The following RASA1 variants were observed in gnomAD, a reference collection of about 807,000 sequenced individuals.
RASA1 encodes ras GTPase-activating protein 1.
In RASA1, 25 loss-of-function variants were observed where a neutral mutation model predicts 132.2. The ratio of observed to expected loss-of-function variants is 0.19; its 90% CI spans 0.14 to 0.26. The LOEUF (loss-of-function observed/expected upper bound fraction) is 0.26. RASA1 is among the 10% of genes least tolerant of loss of function. RASA1 has a pLI of 1.00. For synonymous variants in RASA1, 477 were observed against 449.9 expected (o/e 1.06, Z -0.76); for missense variants, 964 against 1,299.2 (o/e 0.74, Z 3.97).
chr5:87,315,603 T>G (rs2112317712), intron 1 of RASA1, among the ~76,000 whole-genome samples: 1 of 152,352 alleles, frequency 6.6e-6, no homozygotes. Context: ...TTTGGGTTTT[T>G]CAGAGACCCT....
At position 87,268,348 on chromosome 5, in the gene RASA1, G is replaced by A. The variant is rs1435805200; in HGVS notation, c.-104G>A. On this transcript the variant is annotated 5_prime_UTR_variant, in exon 1 of 25. Coordinates refer to ENST00000274376, the MANE Select transcript of RASA1 (RefSeq NM_002890.3). ...TGTTGTTGTTTCCTCAGCCTGGGGAGCTGAAGGGGAGACGCGTCTGGGTGG... is the reference window on the plus strand; with the variant it reads ...TGTTGTTGTTTCCTCAGCCTGGGGAACTGAAGGGGAGACGCGTCTGGGTGG... 1.5e-6 allele frequency: 2 copies of A among 1,358,438 alleles called. No homozygotes were observed. Among genetic ancestry groups the A allele is most frequent in the Non-Finnish European group, 2.0e-6 (2 of 1,023,914 alleles). The allele number at this position is 1,358,438 out of a possible 1,614,324, so 84.1% of individuals were successfully genotyped here.
At chr5:87,382,993 G>C (rs1430947571) in intron 20 of RASA1, among the ~76,000 whole-genome samples, 1 of 152,020 alleles carries the variant, frequency 6.6e-6, no homozygotes, top group African/African-American at 2.4e-5. Flanking sequence ...CTCTAAGCCT[G>C]AGGCAAGAGA....
intron 1 of RASA1, among the ~76,000 whole-genome samples, chr5:87,297,592 T>C (rs916368258): frequency 6.6e-6 from 1 of 152,246 alleles, no homozygotes; most frequent in Non-Finnish European, 1.5e-5. Flanking sequence ...ACTGGAGTTG[T>C]TTACAGTACT....
chr5:87,304,541 C>T (rs150572081), intron 1 of RASA1, among the ~76,000 whole-genome samples: 86 of 151,198 alleles, frequency 5.7e-4, no homozygotes, highest in African/African-American at 1.8e-3. Flanking sequence ...AATCTCGGCT[C>T]ACTGCAACCT....
At chr5:87,298,222 A>T (rs1219971182) in intron 1 of RASA1, among the ~76,000 whole-genome samples, 8 of 152,018 alleles carry the variant, frequency 5.3e-5, no homozygotes, top group Non-Finnish European at 1.2e-4. Flanking sequence ...ATCCTGGCTA[A>T]CATGGTGAAA....
chr5:87,298,740 CA>C (rs1755228679), intron 1 of RASA1, among the ~76,000 whole-genome samples: 1 of 151,870 alleles, frequency 6.6e-6, no homozygotes, highest in African/African-American at 2.4e-5. Flanking sequence ...GCTTTATTTT[CA>C]ATATTTGCTG....
intron 6 of RASA1, among the ~76,000 whole-genome samples, chr5:87,345,424 G>C (rs1758791036): frequency 6.6e-6 from 1 of 152,056 alleles, no homozygotes; most frequent in Admixed American, 6.6e-5. Context: ...GTAGTTGACT[G>C]TCCTCCAGAA....
At chr5:87,377,078 G>C in intron 17 of RASA1, 38 bp downstream of exon 17, 1 of 1,584,420 alleles carries the variant, frequency 6.3e-7, no homozygotes, top group South Asian at 1.1e-5. Flanking sequence ...CAAGAAACTG[G>C]GTTTAGATTT....
chr5:87,386,580 G>C (rs1437370676), intron 22 of RASA1, among the ~76,000 whole-genome samples: 10 of 151,976 alleles, frequency 6.6e-5, no homozygotes. Context: ...CCTCAGTATA[G>C]CCATTTGCTT....
intron 1 of RASA1, among the ~76,000 whole-genome samples, chr5:87,303,425 C>A (rs933210540): frequency 6.7e-6 from 1 of 149,018 alleles, no homozygotes; most frequent in African/African-American, 2.5e-5. Context: ...TTAAATAATT[C>A]TTCTCAGTCT....
rs1468628529 is a variant in RASA1 at position 87,391,550 on chromosome 5, G to A, written c.*667G>A. On this transcript the variant is annotated 3_prime_UTR_variant, in exon 25 of 25. Transcript: ENST00000274376. ...GACTTATTTTGTTGAAATTGTCAAA[G>A]ACTGTATTTAGATCTCATAATGCTT... 4.2e-6 allele frequency: 1 copy of A among 237,448 alleles called. No homozygotes were observed. Among genetic ancestry groups the A allele is most frequent in the Non-Finnish European group, 8.3e-6 (1 of 120,198 alleles). 14.7% of individuals were successfully genotyped at this position (237,448 alleles called of 1,614,324 possible).
At chr5:87,299,288 T>C (rs962141708) in intron 1 of RASA1, among the ~76,000 whole-genome samples, 4 of 152,180 alleles carry the variant, frequency 2.6e-5, no homozygotes, top group African/African-American at 9.7e-5. Flanking sequence ...GTGTTCACAG[T>C]GGGAGTAGTA....
intron 1 of RASA1, among the ~76,000 whole-genome samples, chr5:87,324,949 ATTTTTTTAT>A (rs1561282241): frequency 6.6e-6 from 1 of 151,920 alleles, no homozygotes. Flanking sequence ...TGCTTTTTTA[ATTTTTTTAT>A]TTTTTTTTAA....
chr5:87,287,498 ACCATATATATACC>A (rs1754680302), intron 1 of RASA1, among the ~76,000 whole-genome samples: 1 of 146,026 alleles, frequency 6.8e-6, no homozygotes, highest in Non-Finnish European at 1.5e-5. Context: ...ATATATATAC[ACCATATATATACC>A]CACCATATAT....
At chr5:87,387,016 A>G in intron 23 of RASA1, 113 bp downstream of exon 23, 1 of 990,600 alleles carries the variant, frequency 1.0e-6, no homozygotes, top group Non-Finnish European at 1.5e-6. Flanking sequence ...TAAAAAGACA[A>G]AAAGCCTGCA....
chr5:87,322,657 A>G (rs747689661), intron 1 of RASA1, among the ~76,000 whole-genome samples: 4 of 152,150 alleles, frequency 2.6e-5, no homozygotes, highest in African/African-American at 4.8e-5. Flanking sequence ...TGCTTCCTCT[A>G]TAGTCCTGCA....
At chr5:87,297,444 C>A (rs919211957) in intron 1 of RASA1, among the ~76,000 whole-genome samples, 2 of 152,152 alleles carry the variant, frequency 1.3e-5, no homozygotes, top group Admixed American at 6.5e-5. Context: ...TTTTGGTGAA[C>A]CTGTGCTCCT....
At position 87,287,341 on chromosome 5, in the gene RASA1, T is replaced by G. The variant is rs1383683979; in HGVS notation, c.539+18351T>G. On this transcript the variant is annotated intron_variant, in intron 1 of 24. Coordinates refer to ENST00000274376, the MANE Select transcript of RASA1 (RefSeq NM_002890.3). ...ATATACACCATATATACACACCATA[T>G]ATATACCATATATACACCATATATA... 8.2e-5 allele frequency among the ~76,000 whole-genome samples: 12 copies of G among 146,878 alleles called. No homozygotes were observed. In the Admixed American group the frequency reaches 8.2e-4, roughly 10 times the overall value.
rs184063193 is a variant in RASA1, at chr5:87,388,482, C to T, written c.2926-911C>T. ...CAACAGGAAATGCTATTTGGAAAAT[C>T]TCCAATTTTGGATTTTTGGATTGGG... On this transcript the variant is annotated intron_variant, in intron 23 of 24. Coordinates refer to ENST00000274376, the MANE Select transcript of RASA1 (RefSeq NM_002890.3). Among the ~76,000 whole-genome samples, 201 of 152,302 alleles carry T rather than the reference C, an allele frequency of 1.3e-3. 1 individual carries two copies. The highest frequency in any genetic ancestry group is 5.8e-4 in the East Asian group (3 of 5,192).
Sources: gnomAD v4.1 joint callset for allele counts (sites outside exome capture counted in the v4.1 genomes callset) on GRCh38, gnomAD v4.1.1 for gene constraint, MANE v1.5 for transcripts, NCBI Gene and HGNC (gene_info 2026-07-23, HGNC 2026-07-21) for gene names.